The following LOXL2 variants were observed in gnomAD, a reference collection of about 807,000 sequenced individuals.
LOXL2 encodes the protein lysyl oxidase homolog 2.
Under a neutral mutation model 93.0 loss-of-function variants are expected in LOXL2, and 70 were observed. The observed-to-expected ratio is 0.75, with a 90% confidence interval of 0.62 to 0.92. The LOEUF is 0.92. LOXL2 is among the 40% of genes least tolerant of loss of function. The pLI, the probability that LOXL2 is intolerant of heterozygous loss-of-function variation, is 0.00. For synonymous variants in LOXL2, 438 were observed against 413.2 expected, an observed-to-expected ratio of 1.06 and a Z score of -0.73; for missense variants, 973 against 1,054.9, an observed-to-expected ratio of 0.92 and a Z score of 1.08.
At chr8:23,373,192 C>T (rs950818896) in intron 1 of LOXL2, among the ~76,000 whole-genome samples, 10 of 152,172 alleles carry the variant, frequency 6.6e-5, no homozygotes, top group African/African-American at 2.2e-4. Context: ...CCTACTATAC[C>T]TCAGGCCCTG....
intron 1 of LOXL2, among the ~76,000 whole-genome samples, chr8:23,377,671 T>C (rs890600118): frequency 6.6e-6 from 1 of 152,246 alleles, no homozygotes; most frequent in Non-Finnish European, 1.5e-5. Flanking sequence ...TCTTGTTGAA[T>C]TGATCCCTTT....
rs759014621 is a variant in LOXL2 at position 23,303,434 on chromosome 8, T to C, written c.1881-37A>G. On this transcript the variant is annotated intron_variant, in intron 10 of 13. Transcript: ENST00000389131. ...GAGAGATGGCCTGGAGGTCAGTTTC[T>C]GGAGCAACTGCTGCTTGCAAGCAGA... 4.1e-6 allele frequency: 5 copies of C among 1,220,600 alleles called. No individual in the cohort carries two copies. The South Asian group carries it at 6.0e-5, about 15-fold the overall frequency. The allele number at this position is 1,220,600 out of a possible 1,614,324, so 75.6% of individuals were successfully genotyped here.
Position 23,297,333 on chromosome 8 carries a change from C to G in LOXL2, c.*710G>C, listed in dbSNP as rs1281192840. The G allele has an allele frequency of 6.6e-6, 1 of 152,230 alleles. No homozygotes were observed. The highest frequency in any genetic ancestry group is 2.4e-5 in the African/African-American group (1 of 41,444). 9.4% of individuals were successfully genotyped at this position (152,230 alleles called of 1,614,324 possible). Reference sequence around the variant, plus strand: ...ATTGGAACAACAGGAAGATGAGTCACTTACACAGTGGGTTGGTTTTTCCTT... The same window carrying G: ...ATTGGAACAACAGGAAGATGAGTCAGTTACACAGTGGGTTGGTTTTTCCTT... On this transcript the variant is annotated 3_prime_UTR_variant, in exon 14 of 14. Coordinates refer to ENST00000389131, the MANE Select transcript of LOXL2 (RefSeq NM_002318.3).
At chr8:23,367,478 G>A (rs891959927) in intron 2 of LOXL2, among the ~76,000 whole-genome samples, 1 of 152,208 alleles carries the variant, frequency 6.6e-6, no homozygotes, top group Non-Finnish European at 1.5e-5. Flanking sequence ...ACAATAGCAG[G>A]TTAGTGTGAA....
chr8:23,325,096 T>C (rs895187274), intron 6 of LOXL2, among the ~76,000 whole-genome samples: 14 of 152,216 alleles, frequency 9.2e-5, no homozygotes, highest in African/African-American at 3.4e-4. Flanking sequence ...GTCTGTTAAG[T>C]GTAAAATACA....
intron 3 of LOXL2, among the ~76,000 whole-genome samples, chr8:23,346,659 A>G (rs768335259): frequency 3.3e-5 from 5 of 152,228 alleles, no homozygotes; most frequent in Non-Finnish European, 7.3e-5. Flanking sequence ...TGGAAGTTGC[A>G]TCAGGGAAAG....
At chr8:23,351,475 A>G (rs924725931) in intron 3 of LOXL2, among the ~76,000 whole-genome samples, 10 of 152,198 alleles carry the variant, frequency 6.6e-5, no homozygotes, top group African/African-American at 2.2e-4. Flanking sequence ...TAAGCACCCA[A>G]TCACATTCTT....
At chr8:23,382,516 CA>C (rs536496140) in intron 1 of LOXL2, 964 of 58,210 alleles carry the variant, frequency 0.017, 2 homozygotes, top group Admixed American at 0.027. Flanking sequence ...GACTCCATCT[CA>C]AAAAAAAAAA....
chr8:23,398,055 C>A (rs143076561), intron 1 of LOXL2, among the ~76,000 whole-genome samples: 75 of 151,846 alleles, frequency 4.9e-4, no homozygotes, highest in African/African-American at 1.7e-3. Flanking sequence ...ATCTTTCTCA[C>A]TACATCTTCG....
chr8:23,358,845 A>ATT (rs5890105), intron 3 of LOXL2, among the ~76,000 whole-genome samples: 9,030 of 135,586 alleles, frequency 0.067, 352 homozygotes, highest in African/African-American at 0.091. Flanking sequence ...CAGTACCTGC[A>ATT]TTTTTTTTTT....
At chr8:23,301,834 C>T (rs1410231260) in intron 12 of LOXL2, among the ~76,000 whole-genome samples, 193 bp downstream of exon 12, 2 of 152,204 alleles carry the variant, frequency 1.3e-5, no homozygotes, top group Non-Finnish European at 2.9e-5. Context: ...CCTGTGCACG[C>T]CCTATTTCTC....
In LOXL2 at chr8:23,333,637, G is replaced by A; in HGVS notation, c.744-14C>T. The A allele has an allele frequency of 6.2e-7, 1 of 1,605,458 alleles. No individual in the cohort carries two copies. The highest frequency in any genetic ancestry group is 8.5e-7 in the Non-Finnish European group (1 of 1,173,452). On this transcript the variant is annotated splice_polypyrimidine_tract_variant and intron_variant, in intron 4 of 13. Transcript: ENST00000389131. ...GAGGCAAACATTCTGCAGACGATGG[G>A]AGGGGACAGGGGACCAGGGCATCAT...
chr8:23,383,649 TTTTTTTTG>T, intron 1 of LOXL2, among the ~76,000 whole-genome samples: 5 of 23,388 alleles, frequency 2.1e-4, no homozygotes, highest in Non-Finnish European at 1.4e-4. Context: ...CTTTTACGTT[TTTTTTTTG>T]TTTTTTTTTT....
chr8:23,309,661 G>C lies in LOXL2; in HGVS notation c.1880+7C>G. On this transcript the variant is annotated splice_region_variant and intron_variant, in intron 10 of 13. Transcript: ENST00000389131. ...GCTTAGTGGGGAGGGTGGCCAGCCAGGCCTACCTGTGACAGTCGTGCCAGA... is the reference window on the plus strand; with the variant it reads ...GCTTAGTGGGGAGGGTGGCCAGCCACGCCTACCTGTGACAGTCGTGCCAGA... The C allele has an allele frequency of 1.4e-6, 2 of 1,439,540 alleles. No homozygotes were observed. The highest frequency in any genetic ancestry group is 1.8e-6 in the Non-Finnish European group (2 of 1,086,828). The allele number at this position is 1,439,540 out of a possible 1,614,324, so 89.2% of individuals were successfully genotyped here.
intron 11 of LOXL2, 86 bp from the exon 12 acceptor site, chr8:23,302,249 C>T: frequency 1.9e-6 from 3 of 1,546,338 alleles, no homozygotes; most frequent in South Asian, 2.3e-5. Context: ...GCCCCTACCG[C>T]TGCTTCATCT....
At chr8:23,342,598 ATTGT>A (rs1277482111) in intron 3 of LOXL2, among the ~76,000 whole-genome samples, 1 of 151,594 alleles carries the variant, frequency 6.6e-6, no homozygotes, top group Admixed American at 6.6e-5. Context: ...CACCCGGCCA[ATTGT>A]TTGTATTTTT....
At chr8:23,327,644 G>A (rs1194350267) in intron 6 of LOXL2, among the ~76,000 whole-genome samples, 5 of 152,120 alleles carry the variant, frequency 3.3e-5, no homozygotes, top group Non-Finnish European at 5.9e-5. Context: ...CTCCTAGACC[G>A]CACAGTCTGT....
At chr8:23,394,502 A>C (rs1216958041) in intron 1 of LOXL2, among the ~76,000 whole-genome samples, 2 of 152,164 alleles carry the variant, frequency 1.3e-5, no homozygotes, top group Admixed American at 1.3e-4. Context: ...GCACATAAAA[A>C]GGTGTGATAC....
Position 23,394,015 on chromosome 8 carries a change from G to T in LOXL2, c.-84+9939C>A, listed in dbSNP as rs543511325. Among the ~76,000 whole-genome samples, 6 of 152,218 alleles carry T rather than the reference G, an allele frequency of 3.9e-5. No homozygotes were observed. The East Asian group carries it at 1.2e-3, about 29-fold the overall frequency. On this transcript the variant is annotated intron_variant, in intron 1 of 13. Transcript: ENST00000389131. Reference sequence around the variant, plus strand: ...AAGGGAAAAGATAACCCACAGAATGGGAGAAAATATTTGTAAATCATATAT... The same window carrying T: ...AAGGGAAAAGATAACCCACAGAATGTGAGAAAATATTTGTAAATCATATAT...
Sources: allele counts gnomAD v4.1 joint callset (sites outside exome capture counted in the v4.1 genomes callset), GRCh38; gene constraint gnomAD v4.1.1; transcripts MANE v1.5; gene names NCBI Gene and HGNC (gene_info 2026-07-23, HGNC 2026-07-21).